The following PLXND1 variants were observed in gnomAD, a reference collection of about 807,000 sequenced individuals.
The protein encoded by PLXND1 is plexin D1.
PLXND1 carries 54 observed loss-of-function variants against 197.7 expected under a neutral mutation model. The ratio of observed to expected loss-of-function variants is 0.27; its 90% CI spans 0.22 to 0.34. The LOEUF is 0.34. PLXND1 is among the 10% of genes least tolerant of loss of function. The pLI is 1.00. For synonymous variants in PLXND1, 1,180 were observed against 1,161.2 expected, an observed-to-expected ratio of 1.02 and a Z score of -0.33; for missense variants, 2,127 against 2,699.2, an observed-to-expected ratio of 0.79 and a Z score of 4.70.
chr3:129,576,958 G>T (rs1010830210), intron 9 of PLXND1, among the ~76,000 whole-genome samples: 3 of 152,150 alleles, frequency 2.0e-5, no homozygotes, highest in African/African-American at 7.2e-5. Flanking sequence ...CCAGCCAGCT[G>T]CGTGGCAGAG....
At chr3:129,576,411 G>C (rs989205136) in intron 9 of PLXND1, among the ~76,000 whole-genome samples, 2 of 152,162 alleles carry the variant, frequency 1.3e-5, no homozygotes, top group African/African-American at 4.8e-5. Context: ...AAATCAAAGG[G>C]GTGTGCCTCA....
In PLXND1 at chr3:129,557,043, G is replaced by C; in HGVS notation, c.5586+40C>G. The C allele has an allele frequency of 1.2e-6, 2 of 1,606,484 alleles. No individual in the cohort carries two copies. The highest frequency in any genetic ancestry group is 1.7e-6 in the Non-Finnish European group (2 of 1,176,718). ...CCAGCCCCCGACCCCCGATCCCTCA[G>C]CTCTTCAGGCCCCCATCCCCCGCCG... On this transcript the variant is annotated intron_variant, in intron 34 of 35. Transcript: ENST00000324093. This position sits in a 1 kb window ranked among gnomAD's most constrained non-coding sequence, Gnocchi z 4.8.
intron 1 of PLXND1, among the ~76,000 whole-genome samples, chr3:129,600,827 T>C (rs1232093690): frequency 6.6e-6 from 1 of 151,834 alleles, no homozygotes; most frequent in African/African-American, 2.4e-5. Context: ...AGCCCCTAAA[T>C]TGGTGCAAAA....
chr3:129,558,336 G>A lies in PLXND1; in HGVS notation c.5445+92C>T, dbSNP rs2085004058. 2 of 1,258,598 alleles carry A rather than the reference G, an allele frequency of 1.6e-6. No individual in the cohort carries two copies. Among genetic ancestry groups the A allele is most frequent in the African/African-American group, 3.0e-5 (2 of 67,214 alleles). 78.0% of individuals were successfully genotyped at this position (1,258,598 alleles called of 1,614,324 possible). On this transcript the variant is annotated intron_variant, in intron 33 of 35. Coordinates refer to ENST00000324093, the MANE Select transcript of PLXND1 (RefSeq NM_015103.3). This position sits in a 1 kb window ranked among gnomAD's most constrained non-coding sequence, Gnocchi z 4.1. Reference sequence around the variant, plus strand: ...GTTCCCCTCCCAGGAAGATCTCTGAGCTCAGCCTCAGAGAGTCGAGGAGGC... The same window carrying A: ...GTTCCCCTCCCAGGAAGATCTCTGAACTCAGCCTCAGAGAGTCGAGGAGGC...
chr3:129,559,460 G>A, intron 32 of PLXND1, 160 bp downstream of exon 32: 2 of 602,906 alleles, frequency 3.3e-6, no homozygotes, highest in Admixed American at 2.7e-5. Context: ...GGAAACTGAA[G>A]CACAGAGAGG....
chr3:129,602,155 C>A (rs979796792), intron 1 of PLXND1, among the ~76,000 whole-genome samples: 1 of 152,202 alleles, frequency 6.6e-6, no homozygotes, highest in African/African-American at 2.4e-5. Flanking sequence ...CAGGTATTCA[C>A]GAGCATTCCC....
At chr3:129,573,809 C>T in intron 12 of PLXND1, 64 bp from the exon 13 acceptor site, 2 of 1,553,838 alleles carry the variant, frequency 1.3e-6, no homozygotes, top group Non-Finnish European at 1.7e-6. Context: ...GGCTTCTGCC[C>T]ACAGTCACAG....
chr3:129,556,381 C>T lies in PLXND1; in HGVS notation c.5709G>A (p.Leu1903=). The stretch of plus-strand genomic sequence containing the variant: ...CCACCACCTGCTCAAACTTGTGCTG[C>T]AGTTGTGTCCTCCGGGCCGTGGGGT... The part of the protein sequence containing the change: ...EANPTARRTQ[L]QHKFEQVVAL... Residue 1903 remains leucine (L), a synonymous_variant, in exon 36 of 36, where the codon CTG becomes CTA. Coordinates refer to ENST00000324093, the MANE Select transcript of PLXND1 (RefSeq NM_015103.3). The T allele has an allele frequency of 6.2e-7, 1 of 1,614,218 alleles. No individual in the cohort carries two copies. Among genetic ancestry groups the T allele is most frequent in the Non-Finnish European group, 8.5e-7 (1 of 1,180,028 alleles).
intron 27 of PLXND1, 51 bp downstream of exon 27, chr3:129,562,736 A>G (rs1446690712): frequency 6.5e-7 from 1 of 1,540,814 alleles, no homozygotes; most frequent in Non-Finnish European, 8.8e-7. Context: ...GGCAGGGGCC[A>G]GCCCCGGCTG....
intron 19 of PLXND1, among the ~76,000 whole-genome samples, chr3:129,570,427 G>A (rs1204343288): frequency 2.6e-5 from 4 of 152,154 alleles, no homozygotes; most frequent in Admixed American, 2.0e-4. Context: ...CCCATCCCAG[G>A]AGACATGCAA....
intron 18 of PLXND1, 37 bp from the exon 19 acceptor site, chr3:129,570,972 T>C: frequency 6.2e-7 from 1 of 1,613,902 alleles, no homozygotes; most frequent in Non-Finnish European, 8.5e-7. Context: ...CATGGGGAAG[T>C]GCTCCCGAGG....
chr3:129,572,923 C>A lies in PLXND1; in HGVS notation c.2856G>T (p.Gly952=). 6.2e-7 allele frequency: 1 copy of A among 1,613,282 alleles called. No individual in the cohort carries two copies. Among genetic ancestry groups the A allele is most frequent in the South Asian group, 1.1e-5 (1 of 91,036 alleles). The change falls in exon 14 of 36, where the codon GGG becomes GGT. Residue 952 remains glycine, a synonymous_variant. Transcript: ENST00000324093. The part of the protein sequence containing the change: ...TVSEEIVCVT[G]PAPGPLSGVV... ...CACCTGAGAGTGGTCCTGGGGCTGG[C>A]CCTGTGACACACACGATCCTGAGGG...
At chr3:129,595,921 G>GCGCACACACACACACA (rs138452605) in intron 1 of PLXND1, among the ~76,000 whole-genome samples, 5,629 of 146,382 alleles carry the variant, frequency 0.038, 146 homozygotes, top group Non-Finnish European at 0.048. Flanking sequence ...GTGCACGCAC[G>GCGCACACACACACACA]CACACACACA....
chr3:129,567,550 C>A lies in PLXND1; in HGVS notation c.4028G>T (p.Ser1343Ile). The A allele has an allele frequency of 1.2e-6, 2 of 1,612,336 alleles. No individual in the cohort carries two copies. Among genetic ancestry groups the A allele is most frequent in the African/African-American group, 1.3e-5 (1 of 75,018 alleles). Residue 1343 changes from serine to isoleucine, a missense_variant, in exon 22 of 36, where the codon AGC becomes ATC. Around this residue, in one of 6 missense-constraint regions of PLXND1, gnomAD observed 532 missense variants for 811.0 expected, o/e 0.66. Coordinates refer to ENST00000324093, the MANE Select transcript of PLXND1 (RefSeq NM_015103.3). ...ATACTCCAGGAAGGGGATGCCCTGG[C>A]TGCGGTTCAGCTCCTTGGTGAGATC... ...MTDLTKELNR[S>I]QGIPFLEYKH...
intron 27 of PLXND1, 52 bp downstream of exon 27, chr3:129,562,735 C>T (rs1223385462): frequency 2.6e-6 from 4 of 1,537,566 alleles, no homozygotes; most frequent in African/African-American, 2.7e-5. Flanking sequence ...AGGCAGGGGC[C>T]AGCCCCGGCT....
chr3:129,592,939 G>GCTGGCCT (rs1036964225), intron 1 of PLXND1, among the ~76,000 whole-genome samples: 1 of 152,156 alleles, frequency 6.6e-6, no homozygotes, highest in African/African-American at 2.4e-5. Context: ...TCCTGAGCAT[G>GCTGGCCT]CTGGCCTCGG....
In PLXND1 at chr3:129,606,366, C is replaced by G. The variant is rs1269662123; in HGVS notation, c.274G>C (p.Glu92Gln). Reference sequence around the variant, plus strand: ...TCGGGCACCGGGCCCACGGCCGCCTCGGCCTCCAGGCTCAGGTTGGCGCCC... The same window carrying G: ...TCGGGCACCGGGCCCACGGCCGCCTGGGCCTCCAGGCTCAGGTTGGCGCCC... ...LSGANLSLEA[E>Q]AAVGPVPDSP... Residue 92 changes from glutamate to glutamine, a missense_variant, in exon 1 of 36, where the codon GAG becomes CAG. By Grantham distance (29) the Glu-to-Gln change is conservative. Around this residue, in one of 6 missense-constraint regions of PLXND1, gnomAD observed 245 missense variants for 267.1 expected, o/e 0.92. Coordinates refer to ENST00000324093, the MANE Select transcript of PLXND1 (RefSeq NM_015103.3). 7 of 1,482,382 alleles carry G rather than the reference C, an allele frequency of 4.7e-6. No homozygotes were observed. The highest frequency in any genetic ancestry group is 6.2e-6 in the Non-Finnish European group (7 of 1,125,238). 91.8% of individuals were successfully genotyped at this position (1,482,382 alleles called of 1,614,324 possible).
intron 34 of PLXND1, 136 bp downstream of exon 34, chr3:129,556,947 G>T: frequency 2.1e-6 from 2 of 970,744 alleles, no homozygotes; most frequent in Non-Finnish European, 3.0e-6. Flanking sequence ...TTGCAGGCCA[G>T]CAAGAGGCCA....
In PLXND1 at chr3:129,565,502, G is replaced by A. The variant is rs780259165; in HGVS notation, c.4359C>T (p.His1453=). Residue 1453 remains histidine, a synonymous_variant, in exon 25 of 36, where the codon CAC becomes CAT. Transcript: ENST00000324093. ...SLASLLTIAL[H]GKLEYYTSIM... ...TGCTGGTGTAGTACTCCAGCTTGCC[G>A]TGCAGCGCGATGGTCAGCAGCGAGG... The A allele has an allele frequency of 1.4e-5, 23 of 1,613,756 alleles. No individual in the cohort carries two copies. The South Asian group carries it at 1.5e-4, about 11-fold the overall frequency.
Sources: gnomAD v4.1 joint callset for allele counts (sites outside exome capture counted in the v4.1 genomes callset) on GRCh38, gnomAD v4.1.1 for gene constraint, gnomAD v4.1.1 regional missense constraint, Gnocchi (gnomAD v3.1) non-coding constraint, MANE v1.5 for transcripts, NCBI Gene and HGNC (gene_info 2026-07-23, HGNC 2026-07-21) for gene names.